SEPTIN7: variants seen among roughly 807,000 people sequenced by gnomAD.
The protein encoded by SEPTIN7 is septin-7.
In SEPTIN7, 10 loss-of-function variants were observed where a neutral mutation model predicts 63.3. That is an observed-to-expected ratio of 0.16 (90% CI 0.10 to 0.27). The LOEUF (loss-of-function observed/expected upper bound fraction) is 0.27. Ranked by LOEUF, SEPTIN7 falls within the 10% of genes least tolerant of loss-of-function variation. SEPTIN7 has a pLI of 1.00. For missense variants in SEPTIN7, 310 were observed against 521.0 expected (o/e 0.59, Z 3.94); for synonymous variants, 131 against 165.3 (o/e 0.79, Z 1.59).
downstream of SEPTIN7, among the ~76,000 whole-genome samples, chr7:35,909,396 G>A (rs192759007): frequency 3.3e-5 from 5 of 152,262 alleles, no homozygotes; most frequent in Admixed American, 6.5e-5. Flanking sequence ...AATGGAGGCC[G>A]CTGATAAAAA....
intron 3 of SEPTIN7, among the ~76,000 whole-genome samples, chr7:35,834,102 AC>A (rs1313608632): frequency 1.3e-5 from 2 of 151,964 alleles, no homozygotes; most frequent in Non-Finnish European, 2.9e-5. Context: ...TGCAGAGCAT[AC>A]CTTTTCTTCG....
chr7:35,863,943 A>C (rs1785659521), intron 4 of SEPTIN7, among the ~76,000 whole-genome samples: 1 of 148,298 alleles, frequency 6.7e-6, no homozygotes, highest in African/African-American at 2.5e-5. Flanking sequence ...TATGGTAGTC[A>C]TTTGCCACAT....
rs549671182 is a variant in SEPTIN7, at chr7:35,863,213, A to C, written c.170-339A>C. ...AGTAAAGAAAAACTTTATTTCACTCAAGCAGCGACATATAATCCAACTTGG... is the reference window on the plus strand; with the variant it reads ...AGTAAAGAAAAACTTTATTTCACTCCAGCAGCGACATATAATCCAACTTGG... On this transcript the variant is annotated intron_variant, in intron 3 of 13. Coordinates refer to ENST00000350320, the MANE Select transcript of SEPTIN7 (RefSeq NM_001788.6). 2.7e-5 allele frequency among the ~76,000 whole-genome samples: 4 copies of C among 149,876 alleles called. No individual in the cohort carries two copies. In the South Asian group the frequency reaches 6.5e-4, roughly 24 times the overall value.
intron 1 of SEPTIN7, among the ~76,000 whole-genome samples, chr7:35,830,508 C>A (rs1446555294): frequency 6.6e-6 from 1 of 152,054 alleles, no homozygotes; most frequent in African/African-American, 2.4e-5. Context: ...ATAAAAGCTC[C>A]CCCAAGTGAT....
At chr7:35,833,047 A>G (rs1368938553) in intron 3 of SEPTIN7, 147 bp downstream of exon 3, 1 of 569,248 alleles carries the variant, frequency 1.8e-6, no homozygotes, top group African/African-American at 1.9e-5. Context: ...ACATTTTAAA[A>G]TTTAACTCAG....
intron 11 of SEPTIN7, among the ~76,000 whole-genome samples, chr7:35,891,718 G>A (rs1355078578): frequency 6.6e-6 from 1 of 152,020 alleles, no homozygotes; most frequent in Non-Finnish European, 1.5e-5. Context: ...TGTACACTTA[G>A]GCTATACTAA....
intron 1 of SEPTIN7, among the ~76,000 whole-genome samples, chr7:35,804,783 G>T (rs1364150938): frequency 6.7e-6 from 1 of 149,022 alleles, no homozygotes; most frequent in Non-Finnish European, 1.5e-5. Flanking sequence ...GCTTGTTATT[G>T]TACTGACTAC....
intron 8 of SEPTIN7, 67 bp from the exon 9 acceptor site, chr7:35,883,824 C>CT (rs370229810): frequency 1.2e-6 from 1 of 856,004 alleles, no homozygotes; most frequent in Admixed American, 2.7e-5. Flanking sequence ...AGTAATGTAA[C>CT]TTTTTTTATT....
chr7:35,822,264 G>A (rs1440578797), intron 1 of SEPTIN7, among the ~76,000 whole-genome samples: 1 of 151,644 alleles, frequency 6.6e-6, no homozygotes, highest in Non-Finnish European at 1.5e-5. Flanking sequence ...ATTTCACCAT[G>A]TTGCCCAGGG....
At chr7:35,830,538 A>G (rs1052706067) in intron 1 of SEPTIN7, among the ~76,000 whole-genome samples, 3 of 152,256 alleles carry the variant, frequency 2.0e-5, no homozygotes, top group African/African-American at 7.2e-5. Context: ...CTGCTAAGGT[A>G]GAGAAACACT....
intron 2 of SEPTIN7, chr7:35,832,072 G>A (rs1351374944): frequency 2.2e-6 from 1 of 452,956 alleles, no homozygotes; most frequent in Admixed American, 2.4e-5. Flanking sequence ...ACACCAATTT[G>A]GAAGTAGATT....
rs534993119 is a variant in SEPTIN7, at chr7:35,869,483, T to A, written c.277-3183T>A. ...AATGTCTTCAGAGTTTTGGCTGTAATGCTACCTCTTGAGCAAGTGAAGGTA... is the reference window on the plus strand; with the variant it reads ...AATGTCTTCAGAGTTTTGGCTGTAAAGCTACCTCTTGAGCAAGTGAAGGTA... On this transcript the variant is annotated intron_variant, in intron 4 of 13. Transcript: ENST00000350320. 4.6e-5 allele frequency among the ~76,000 whole-genome samples: 7 copies of A among 152,306 alleles called. No homozygotes were observed. In the East Asian group the frequency reaches 1.2e-3, roughly 25 times the overall value.
intron 1 of SEPTIN7, among the ~76,000 whole-genome samples, chr7:35,810,200 A>G (rs962027626): frequency 3.9e-5 from 6 of 152,128 alleles, no homozygotes; most frequent in Non-Finnish European, 8.8e-5. Flanking sequence ...TTGAATTTTT[A>G]TGTTTAGTAA....
chr7:35,818,774 C>T (rs1421167520), intron 1 of SEPTIN7, among the ~76,000 whole-genome samples: 1 of 151,538 alleles, frequency 6.6e-6, no homozygotes, highest in Non-Finnish European at 1.5e-5. Context: ...ATTAATTGTT[C>T]ATAGGTTCCT....
chr7:35,895,498 AC>A (rs1464340613), intron 11 of SEPTIN7, among the ~76,000 whole-genome samples: 1 of 152,236 alleles, frequency 6.6e-6, no homozygotes, highest in Admixed American at 6.5e-5. Context: ...TTAGAAACAC[AC>A]ATTTGCAGGT....
intron 4 of SEPTIN7, among the ~76,000 whole-genome samples, chr7:35,866,148 A>G (rs747219980): frequency 1.3e-5 from 2 of 152,172 alleles, no homozygotes; most frequent in Non-Finnish European, 2.9e-5. Context: ...CTCTTTCCTG[A>G]TTGAACCATG....
intron 1 of SEPTIN7, among the ~76,000 whole-genome samples, chr7:35,828,653 A>G (rs1245158241): frequency 6.6e-6 from 1 of 152,244 alleles, no homozygotes; most frequent in Non-Finnish European, 1.5e-5. Flanking sequence ...CTAGGATTAC[A>G]GGCATGAGCC....
rs57782019 is a variant in SEPTIN7 at position 35,804,835 on chromosome 7, GTTTTTTTTT to G, written c.61+3575_61+3583del. Among the ~76,000 whole-genome samples the G allele has an allele frequency of 6.1e-3, 749 of 123,312 alleles. 3 individuals are homozygous for G. Among genetic ancestry groups the G allele is most frequent in the Non-Finnish European group, 9.3e-3 (550 of 58,992 alleles). The allele number at this position is 123,312 out of a possible 152,430, so 80.9% of individuals were successfully genotyped here. ...AAATGGTAAGCGTGTTTCTTTTTTT[GTTTTTTTTT>G]TTTTTTTTTGAGACGTAATTTCGCT... On this transcript the variant is annotated intron_variant, in intron 1 of 13. Transcript: ENST00000350320.
At chr7:35,880,223 C>CTTTTTTTTTTTTTTTTTT in intron 7 of SEPTIN7, among the ~76,000 whole-genome samples, 66 of 72,794 alleles carry the variant, frequency 9.1e-4, no homozygotes, top group East Asian at 1.6e-3. Flanking sequence ...TTTTTCTTTT[C>CTTTTTTTTTTTTTTTTTT]TTTTTTTTTT....
Sources: allele counts gnomAD v4.1 joint callset (sites outside exome capture counted in the v4.1 genomes callset), GRCh38; gene constraint gnomAD v4.1.1; transcripts MANE v1.5; gene names NCBI Gene and HGNC (gene_info 2026-07-23, HGNC 2026-07-21).